VPS54: variants seen among roughly 807,000 people sequenced by gnomAD.
The protein encoded by VPS54 is VPS54 subunit of GARP complex, also known as vacuolar protein sorting-associated protein 54.
VPS54 carries 45 observed loss-of-function variants against 121.5 expected under a neutral mutation model. The observed-to-expected ratio is 0.37, with a 90% CI of 0.29 to 0.47. The LOEUF is 0.47. Ranked by LOEUF, VPS54 falls within the 20% of genes least tolerant of loss-of-function variation. The pLI, the probability that VPS54 is intolerant of heterozygous loss-of-function variation, is 0.99. For synonymous variants in VPS54, 371 were observed against 385.8 expected, an observed-to-expected ratio of 0.96 and a Z score of 0.45; for missense variants, 1,090 against 1,131.4, an observed-to-expected ratio of 0.96 and a Z score of 0.52.
At chr2:63,957,254 A>G (rs1675538985) in intron 7 of VPS54, among the ~76,000 whole-genome samples, 1 of 152,002 alleles carries the variant, frequency 6.6e-6, no homozygotes, top group Non-Finnish European at 1.5e-5. Flanking sequence ...CATCCTGGCT[A>G]ACACGGTGAA....
At chr2:63,909,584 T>C (rs1481096921) in intron 20 of VPS54, among the ~76,000 whole-genome samples, 1 of 151,660 alleles carries the variant, frequency 6.6e-6, no homozygotes, top group African/African-American at 2.4e-5. Context: ...CATGCCCGGC[T>C]AATTTTTGTA....
At chr2:63,925,331 T>A (rs986164422) in intron 12 of VPS54, among the ~76,000 whole-genome samples, 1 of 152,174 alleles carries the variant, frequency 6.6e-6, no homozygotes, top group Non-Finnish European at 1.5e-5. Flanking sequence ...TTACTACACT[T>A]GCAACATACC....
chr2:63,947,346 C>T (rs1350458981), intron 9 of VPS54, 37 bp downstream of exon 9: 1 of 1,488,134 alleles, frequency 6.7e-7, no homozygotes, highest in Non-Finnish European at 9.1e-7. Context: ...CACAAAGGTT[C>T]CAGACCAAAA....
At chr2:63,946,540 CTTAT>C (rs749769076) in intron 9 of VPS54, among the ~76,000 whole-genome samples, 28 of 152,018 alleles carry the variant, frequency 1.8e-4, no homozygotes, top group Admixed American at 3.9e-4. Flanking sequence ...AATTTTTTTG[CTTAT>C]TTAACTTTTA....
At chr2:63,977,322 G>A (rs914734322) in intron 3 of VPS54, among the ~76,000 whole-genome samples, 24 of 152,096 alleles carry the variant, frequency 1.6e-4, no homozygotes, top group African/African-American at 5.8e-4. Context: ...TCCTAAGGTA[G>A]AAGCTTGGAT....
In VPS54 at chr2:63,949,194, T is replaced by C. The variant is rs115835128; in HGVS notation, c.1011-31A>G. ...AAGGAAGAGAAAAATGTTATATTTA[T>C]ATTCACTAAAAACTACAAATTCGCT... On this transcript the variant is annotated intron_variant, in intron 7 of 22. Coordinates refer to ENST00000272322, the MANE Select transcript of VPS54 (RefSeq NM_016516.3). The C allele has an allele frequency of 1.6e-3, 2,520 of 1,585,172 alleles. 48 individuals carry two copies. The African/African-American group carries it at 0.03, about 19-fold the overall frequency.
chr2:63,895,128 A>T (rs1392460622), intron 22 of VPS54, among the ~76,000 whole-genome samples: 1 of 152,142 alleles, frequency 6.6e-6, no homozygotes, highest in African/African-American at 2.4e-5. Context: ...GTCTATTTTT[A>T]AAATATCTTA....
At chr2:63,968,350 G>A (rs1307753351) in intron 5 of VPS54, among the ~76,000 whole-genome samples, 3 of 149,602 alleles carry the variant, frequency 2.0e-5, no homozygotes, top group Non-Finnish European at 3.0e-5. Flanking sequence ...TGATGCAAAA[G>A]AGAAAAAACA....
intron 20 of VPS54, among the ~76,000 whole-genome samples, chr2:63,909,628 C>T (rs2104425286): frequency 6.8e-6 from 1 of 147,434 alleles, no homozygotes; most frequent in East Asian, 2.0e-4. Context: ...CCATCTTGGC[C>T]AGGCTGGTCT....
intron 1 of VPS54, among the ~76,000 whole-genome samples, chr2:63,999,560 G>C (rs563061469): frequency 6.6e-6 from 1 of 152,012 alleles, no homozygotes; most frequent in African/African-American, 2.4e-5. Context: ...TAAATGTCTC[G>C]AGTTAGTCCT....
chr2:63,981,881 G>T lies in VPS54; in HGVS notation c.143C>A (p.Ser48Ter). The change falls in exon 3 of 23, where the codon TCA becomes TAA. Residue 48 changes from serine (S) to a stop codon, truncating the protein, a stop_gained. Coordinates refer to ENST00000272322, the MANE Select transcript of VPS54 (RefSeq NM_016516.3). LOFTEE classifies it high-confidence loss of function. ...AGATGGGGCAACATATAAACTATGT[G>T]AATCACCTGCAAAAAGTAAACAAGA... ...DVCPKEPTGDSHSLYVAPSLV... is the reference protein window; with the variant it reads ...DVCPKEPTGD The T allele has an allele frequency of 1.2e-6, 2 of 1,608,060 alleles. No homozygotes were observed. Among genetic ancestry groups the T allele is most frequent in the East Asian group, 2.2e-5 (1 of 44,662 alleles).
rs201460882 is a variant in VPS54 at position 63,912,350 on chromosome 2, A to G, written c.2620T>C (p.Ser874Pro). 9.3e-6 allele frequency: 15 copies of G among 1,607,328 alleles called. No homozygotes were observed. The highest frequency in any genetic ancestry group is 1.3e-5 in the Non-Finnish European group (15 of 1,176,354). ...IMDSLFDKLL[S>P]KYEVKAPVPS... ...TAATTTCTATAAATCATTACCTTAG[A>G]TAACAGCTTGTCAAATAAGCTATCC... is the stretch of plus-strand genomic sequence containing the variant. Residue 874 changes from serine (S) to proline (P), a missense_variant, in exon 20 of 23, where the codon TCT (serine) becomes CCT (proline). Transcript: ENST00000272322.
At chr2:63,949,723 A>C (rs1236911981) in intron 7 of VPS54, among the ~76,000 whole-genome samples, 1 of 152,100 alleles carries the variant, frequency 6.6e-6, no homozygotes, top group Non-Finnish European at 1.5e-5. Flanking sequence ...GAGGAGGTGG[A>C]AGTGGAGGCA....
intron 1 of VPS54, among the ~76,000 whole-genome samples, chr2:64,001,269 T>C (rs1334288263): frequency 6.6e-6 from 1 of 152,108 alleles, no homozygotes; most frequent in Admixed American, 6.5e-5. Flanking sequence ...CACCCTTCAG[T>C]AAGCTCCCCT....
intron 3 of VPS54, among the ~76,000 whole-genome samples, chr2:63,981,041 C>G (rs1676779926): frequency 6.6e-6 from 1 of 151,996 alleles, no homozygotes; most frequent in South Asian, 2.1e-4. Flanking sequence ...ATTAGGCTTG[C>G]TAATGAAAAA....
intron 1 of VPS54, among the ~76,000 whole-genome samples, chr2:64,000,618 T>C (rs550385889): frequency 6.6e-6 from 1 of 152,370 alleles, no homozygotes; most frequent in South Asian, 2.1e-4. Context: ...AGTAATGCTG[T>C]GGTTCTTGCA....
intron 20 of VPS54, among the ~76,000 whole-genome samples, chr2:63,910,931 C>T (rs1558984781): frequency 6.6e-6 from 1 of 152,074 alleles, no homozygotes; most frequent in Non-Finnish European, 1.5e-5. Context: ...GTTTTAGAGA[C>T]CGGGTCTTGC....
At chr2:63,948,508 C>T (rs1270537852) in intron 8 of VPS54, among the ~76,000 whole-genome samples, 4 of 147,154 alleles carry the variant, frequency 2.7e-5, no homozygotes, top group African/African-American at 7.5e-5. Flanking sequence ...GTGATCCTCT[C>T]GCCTTAGCCA....
intron 7 of VPS54, among the ~76,000 whole-genome samples, chr2:63,961,187 G>T (rs550742727): frequency 6.6e-6 from 1 of 152,238 alleles, no homozygotes; most frequent in South Asian, 2.1e-4. Context: ...TCTGGTACTT[G>T]ACATGTAATA....
Sources: allele counts gnomAD v4.1 joint callset (sites outside exome capture counted in the v4.1 genomes callset), GRCh38; gene constraint gnomAD v4.1.1; transcripts MANE v1.5; gene names NCBI Gene and HGNC (gene_info 2026-07-23, HGNC 2026-07-21).